The following ZRANB3 variants were observed in gnomAD, a reference collection of about 807,000 sequenced individuals.
ZRANB3 encodes zinc finger RANBP2-type containing 3.
ZRANB3 carries 125 observed loss-of-function variants against 133.8 expected under a neutral mutation model. The observed-to-expected ratio is 0.93, with a 90% CI of 0.81 to 1.08. ZRANB3 has a LOEUF of 1.08. Ranked by LOEUF, ZRANB3 falls within the 50% of genes least tolerant of loss-of-function variation. The pLI, the probability that ZRANB3 is intolerant of heterozygous loss-of-function variation, is 0.00. For synonymous variants in ZRANB3, 387 were observed against 432.7 expected, an observed-to-expected ratio of 0.89 and a Z score of 1.31; for missense variants, 1,229 against 1,275.5, an observed-to-expected ratio of 0.96 and a Z score of 0.56.
chr2:135,482,997 T>C (rs971310130), intron 2 of ZRANB3, among the ~76,000 whole-genome samples: 1 of 152,100 alleles, frequency 6.6e-6, no homozygotes, highest in Non-Finnish European at 1.5e-5. Context: ...AGCTTTTTGA[T>C]GTGCTGCTGG....
rs767548446 is a variant in ZRANB3, at chr2:135,350,213, C to G, written c.362G>C (p.Arg121Thr). 1 of 1,575,072 alleles carries G rather than the reference C, an allele frequency of 6.3e-7. No homozygotes were observed. Among genetic ancestry groups the G allele is most frequent in the Non-Finnish European group, 8.6e-7 (1 of 1,158,592 alleles). Residue 121 changes from arginine (R) to threonine (T), a missense_variant and splice_region_variant, in exon 5 of 21, where the codon AGA becomes ACA. Physicochemically the swap from Arg to Thr is moderately conservative, Grantham distance 71. Transcript: ENST00000264159. Reference protein sequence around the residue: ...NVIQNKTDVRRMSTSKVTVLG... With the variant: ...NVIQNKTDVRTMSTSKVTVLG... ...AACTGTCACTTTACTGGTCGACATT[C>G]TCCTAGAAAAGAAAATCCATGTACT...
chr2:135,266,999 C>T (rs1036420085), intron 11 of ZRANB3, among the ~76,000 whole-genome samples: 3 of 152,128 alleles, frequency 2.0e-5, no homozygotes, highest in African/African-American at 7.2e-5. Context: ...TGCATAAAAC[C>T]AAGCTGTAGC....
chr2:135,496,203 T>C (rs776688175), intron 2 of ZRANB3, among the ~76,000 whole-genome samples: 3 of 151,600 alleles, frequency 2.0e-5, no homozygotes, highest in Non-Finnish European at 2.9e-5. Context: ...GCCAACATGG[T>C]GAAACTCCAT....
At chr2:135,257,455 G>A (rs965056411) in intron 12 of ZRANB3, among the ~76,000 whole-genome samples, 6 of 152,222 alleles carry the variant, frequency 3.9e-5, no homozygotes, top group Middle Eastern at 6.8e-3. Context: ...TTGGATGTAC[G>A]ATTGCTGGGT....
chr2:135,286,270 C>T (rs781570114), intron 8 of ZRANB3, among the ~76,000 whole-genome samples: 5 of 152,072 alleles, frequency 3.3e-5, no homozygotes, highest in African/African-American at 7.2e-5. Flanking sequence ...ATCATTCTTA[C>T]GCCTTTCCAT....
chr2:135,495,977 A>T (rs186644456), intron 2 of ZRANB3, among the ~76,000 whole-genome samples: 2 of 152,358 alleles, frequency 1.3e-5, no homozygotes, highest in East Asian at 3.9e-4. Context: ...CTACCTAAAA[A>T]TGAACTTGAG....
chr2:135,287,739 A>G (rs757768108), intron 8 of ZRANB3, among the ~76,000 whole-genome samples: 2 of 136,062 alleles, frequency 1.5e-5, no homozygotes, highest in African/African-American at 2.9e-5. Flanking sequence ...TGGCTTGGTC[A>G]CTGTTAGTGT....
intron 2 of ZRANB3, among the ~76,000 whole-genome samples, chr2:135,411,298 T>C (rs910963224): frequency 2.0e-5 from 3 of 152,186 alleles, no homozygotes; most frequent in African/African-American, 7.2e-5. Flanking sequence ...AGAACACTTA[T>C]ACACTGCTGA....
intron 2 of ZRANB3, among the ~76,000 whole-genome samples, chr2:135,443,948 C>T (rs1472286397): frequency 1.3e-5 from 2 of 151,778 alleles, no homozygotes; most frequent in African/African-American, 4.8e-5. Context: ...GACAGACAAC[C>T]CAATTAAAAC....
chr2:135,262,733 ATCATGCCACTGGAC>A (rs1680025248), intron 12 of ZRANB3, among the ~76,000 whole-genome samples: 1 of 152,094 alleles, frequency 6.6e-6, no homozygotes, highest in Non-Finnish European at 1.5e-5. Context: ...GTGAGCTATA[ATCATGCCACTGGAC>A]TCCAACCTGG....
In ZRANB3 at chr2:135,224,601, C is replaced by T. The variant is rs1216693429; in HGVS notation, c.2159-84G>A. On this transcript the variant is annotated intron_variant, in intron 14 of 20. Transcript: ENST00000264159. ...TATTTTAATCGTGTGTAGGTTAGAACGATGAAATAGCTATATCAAAATATC... is the reference window on the plus strand; with the variant it reads ...TATTTTAATCGTGTGTAGGTTAGAATGATGAAATAGCTATATCAAAATATC... The T allele has an allele frequency of 1.4e-5, 12 of 863,300 alleles. 1 individual carries two copies. The highest frequency in any genetic ancestry group is 6.5e-5 in the South Asian group (3 of 46,122). 53.5% of individuals were successfully genotyped at this position (863,300 alleles called of 1,614,324 possible).
intron 8 of ZRANB3, among the ~76,000 whole-genome samples, chr2:135,289,667 CAA>C (rs2104792202): frequency 6.6e-6 from 1 of 152,300 alleles, no homozygotes; most frequent in South Asian, 2.1e-4. Context: ...TTTCGGGAGG[CAA>C]AGTCAGGTGG....
At chr2:135,204,213 G>C (rs1693754666) in intron 19 of ZRANB3, among the ~76,000 whole-genome samples, 1 of 152,134 alleles carries the variant, frequency 6.6e-6, no homozygotes, top group African/African-American at 2.4e-5. Flanking sequence ...CTTCTCTTCT[G>C]TGCTGAACTT....
intron 2 of ZRANB3, among the ~76,000 whole-genome samples, chr2:135,402,455 C>T (rs537079599): frequency 3.9e-5 from 6 of 152,018 alleles, no homozygotes; most frequent in African/African-American, 7.2e-5. Flanking sequence ...CCACCACGTC[C>T]GGCTAATTTT....
chr2:135,265,434 C>A, intron 12 of ZRANB3, 100 bp downstream of exon 12: 1 of 1,287,852 alleles, frequency 7.8e-7, no homozygotes, highest in Non-Finnish European at 1.0e-6. Context: ...CTCCTTTCAA[C>A]ACCATAAATA....
chr2:135,388,887 G>A (rs1687099253), intron 3 of ZRANB3, among the ~76,000 whole-genome samples: 1 of 152,028 alleles, frequency 6.6e-6, no homozygotes, highest in Non-Finnish European at 1.5e-5. Flanking sequence ...GACCATTCTG[G>A]CTAACACAGT....
At chr2:135,218,639 C>T (rs940355708) in intron 16 of ZRANB3, among the ~76,000 whole-genome samples, 5 of 152,140 alleles carry the variant, frequency 3.3e-5, no homozygotes, top group Non-Finnish European at 7.4e-5. Context: ...TAAGACCTCC[C>T]TGGCAGGAAC....
At chr2:135,271,747 T>C (rs1680524941) in intron 10 of ZRANB3, 21 bp downstream of exon 10, 2 of 1,598,824 alleles carry the variant, frequency 1.3e-6, no homozygotes, top group East Asian at 2.2e-5. Flanking sequence ...CATAACCAAA[T>C]TTAGACTTGA....
chr2:135,300,211 C>T (rs1213700929), intron 8 of ZRANB3, among the ~76,000 whole-genome samples: 1 of 152,156 alleles, frequency 6.6e-6, no homozygotes, highest in Non-Finnish European at 1.5e-5. Flanking sequence ...AAAAACTAAA[C>T]ACCACAAATA....
Sources: gnomAD v4.1 joint callset for allele counts (sites outside exome capture counted in the v4.1 genomes callset) on GRCh38, gnomAD v4.1.1 for gene constraint, MANE v1.5 for transcripts, NCBI Gene and HGNC (gene_info 2026-07-23, HGNC 2026-07-21) for gene names.